APBA1: variants seen among roughly 807,000 people sequenced by gnomAD.
The protein encoded by APBA1 is amyloid beta precursor protein binding family A member 1.
APBA1 carries 55 observed loss-of-function variants against 86.6 expected under a neutral mutation model. The observed-to-expected ratio is 0.64, with a 90% CI of 0.51 to 0.80. APBA1 has a LOEUF of 0.80. Among genes scored for constraint, APBA1 ranks in the 30% least tolerant of loss-of-function variants. The pLI is 0.00. For missense variants in APBA1, 1,090 were observed against 1,183.0 expected (o/e 0.92, Z 1.15); for synonymous variants, 511 against 493.9 (o/e 1.03, Z -0.46).
At chr9:69,440,222 C>A (rs1038917301) in intron 11 of APBA1, among the ~76,000 whole-genome samples, 2 of 152,208 alleles carry the variant, frequency 1.3e-5, no homozygotes, top group African/African-American at 4.8e-5. Context: ...TTAGGCTACT[C>A]AGGGGTCAGG....
chr9:69,543,998 A>G (rs1360384221), intron 1 of APBA1, among the ~76,000 whole-genome samples: 5 of 152,248 alleles, frequency 3.3e-5, no homozygotes, highest in Admixed American at 6.5e-5. Context: ...TAAAACAGGC[A>G]TAGATTCAGT....
chr9:69,615,966 C>T (rs375859777), intron 1 of APBA1, among the ~76,000 whole-genome samples: 3 of 152,140 alleles, frequency 2.0e-5, no homozygotes, highest in Non-Finnish European at 1.5e-5. Flanking sequence ...ATGCTGTGGG[C>T]AGCTTTTCCC....
At chr9:69,664,964 G>T (rs527928130) in intron 1 of APBA1, among the ~76,000 whole-genome samples, 4 of 152,252 alleles carry the variant, frequency 2.6e-5, no homozygotes, top group Middle Eastern at 3.4e-3. Context: ...TGTTAAACAG[G>T]GGTCCCATGT....
chr9:69,518,844 T>C (rs1232873477), intron 1 of APBA1, among the ~76,000 whole-genome samples: 2 of 152,026 alleles, frequency 1.3e-5, no homozygotes, highest in African/African-American at 4.8e-5. Context: ...ACCACAGCAA[T>C]TTCCTTCAAG....
chr9:69,527,042 A>G (rs960879520), intron 1 of APBA1, among the ~76,000 whole-genome samples: 1 of 152,128 alleles, frequency 6.6e-6, no homozygotes, highest in Admixed American at 6.6e-5. Flanking sequence ...ACTCACGGAC[A>G]TAAAGATGGT....
Position 69,458,008 on chromosome 9 carries a change from C to T in APBA1, c.1515+148G>A, listed in dbSNP as rs376733685. The T allele has an allele frequency of 6.9e-4, 515 of 750,268 alleles. 6 individuals are homozygous for T. Among genetic ancestry groups the T allele is most frequent in the South Asian group, 1.6e-3 (67 of 42,686 alleles). The allele number at this position is 750,268 out of a possible 1,614,324, so 46.5% of individuals were successfully genotyped here. On this transcript the variant is annotated intron_variant, in intron 6 of 12. Transcript: ENST00000265381. ...CCTTCGGCAACTGAGTTTTGAGAAA[C>T]GCTGGCTTATGGGGCGGTTCAAAAA...
Position 69,589,101 on chromosome 9 carries a change from C to T in APBA1, c.-69-71822G>A, listed in dbSNP as rs141072533. Among the ~76,000 whole-genome samples the T allele has an allele frequency of 2.3e-3, 355 of 152,258 alleles. 1 individual carries two copies. The highest frequency in any genetic ancestry group is 3.8e-3 in the Non-Finnish European group (259 of 68,018). ...TCCTGAGTAGCTGGAACTACAGGCACACACCACCATGCCCAGCTAATTTTT... is the reference window on the plus strand; with the variant it reads ...TCCTGAGTAGCTGGAACTACAGGCATACACCACCATGCCCAGCTAATTTTT... On this transcript the variant is annotated intron_variant, in intron 1 of 12. Transcript: ENST00000265381.
chr9:69,627,051 T>G (rs1303255531), intron 1 of APBA1, among the ~76,000 whole-genome samples: 1 of 152,194 alleles, frequency 6.6e-6, no homozygotes, highest in Non-Finnish European at 1.5e-5. Flanking sequence ...GCTGACCTAC[T>G]CTTTATTCTG....
rs1288082269 is a variant in APBA1, at chr9:69,450,878, T to A, written c.1969-1082A>T. On this transcript the variant is annotated intron_variant, in intron 9 of 12. Transcript: ENST00000265381. ...GGACATGCATGGAGAAAGGCTGATG[T>A]GAAGACACAGCATGAAGACAGCCAT... 2.0e-5 allele frequency among the ~76,000 whole-genome samples: 3 copies of A among 151,110 alleles called. No individual in the cohort carries two copies. In the South Asian group the frequency reaches 6.2e-4, roughly 31 times the overall value.
chr9:69,449,920 G>A, intron 9 of APBA1, 124 bp from the exon 10 acceptor site: 1 of 740,520 alleles, frequency 1.4e-6, no homozygotes, highest in Admixed American at 2.9e-5. Flanking sequence ...CACCAACCCA[G>A]ATGAGTTCCT....
intron 1 of APBA1, among the ~76,000 whole-genome samples, chr9:69,539,841 G>C (rs185399044): frequency 6.6e-6 from 1 of 152,058 alleles, no homozygotes; most frequent in Non-Finnish European, 1.5e-5. Flanking sequence ...CTTATTAGCC[G>C]GGGGCAGTGG....
chr9:69,566,448 G>T (rs958933134), intron 1 of APBA1, among the ~76,000 whole-genome samples: 1 of 152,122 alleles, frequency 6.6e-6, no homozygotes, highest in Non-Finnish European at 1.5e-5. Context: ...ATCTGGCATG[G>T]GGCCTAGTGC....
intron 1 of APBA1, among the ~76,000 whole-genome samples, chr9:69,580,248 A>G (rs1315421382): frequency 6.6e-6 from 1 of 152,212 alleles, no homozygotes; most frequent in East Asian, 1.9e-4. Context: ...TCTGGGCTTA[A>G]TGGGTGAGTG....
intron 1 of APBA1, among the ~76,000 whole-genome samples, chr9:69,520,091 A>G (rs1261035719): frequency 6.6e-6 from 1 of 152,194 alleles, no homozygotes; most frequent in African/African-American, 2.4e-5. Flanking sequence ...TTCCAAGAAT[A>G]TGATTTGGGT....
chr9:69,661,298 T>C (rs1465655328), intron 1 of APBA1, among the ~76,000 whole-genome samples: 1 of 152,194 alleles, frequency 6.6e-6, no homozygotes, highest in African/African-American at 2.4e-5. Flanking sequence ...CTATTAGAAC[T>C]AGGTAGGGAG....
intron 1 of APBA1, among the ~76,000 whole-genome samples, chr9:69,523,497 G>GTATATATATATATATATATATATATATA (rs869242999): frequency 3.2e-5 from 1 of 30,882 alleles, no homozygotes; most frequent in African/African-American, 9.2e-5. Flanking sequence ...ATATATATAT[G>GTATATATATATATATATATATATATATA]TATATATATA....
chr9:69,522,014 C>A (rs1359249187), intron 1 of APBA1, among the ~76,000 whole-genome samples: 1 of 151,708 alleles, frequency 6.6e-6, no homozygotes, highest in Non-Finnish European at 1.5e-5. Context: ...TGTGCTTTTT[C>A]TCTCTCTCCC....
At chr9:69,511,127 G>C (rs1836029790) in intron 2 of APBA1, among the ~76,000 whole-genome samples, 2 of 152,016 alleles carry the variant, frequency 1.3e-5, no homozygotes, top group South Asian at 4.2e-4. Flanking sequence ...CCATCAGAGT[G>C]AACAGGCAAC....
chr9:69,541,683 T>C (rs13287758), intron 1 of APBA1, among the ~76,000 whole-genome samples: 56,879 of 151,882 alleles, frequency 0.37, 12,028 homozygotes, highest in Non-Finnish European at 0.47. Flanking sequence ...AGCATTAGTA[T>C]GCTGTGAATT....
Sources: gnomAD v4.1 joint callset for allele counts (sites outside exome capture counted in the v4.1 genomes callset) on GRCh38, gnomAD v4.1.1 for gene constraint, MANE v1.5 for transcripts, NCBI Gene and HGNC (gene_info 2026-07-23, HGNC 2026-07-21) for gene names.